The following ARHGEF12 variants were observed in gnomAD, a reference collection of about 807,000 sequenced individuals.
The protein encoded by ARHGEF12 is KMT2A/ARHGEF12 fusion protein.
Under a neutral mutation model 211.2 loss-of-function variants are expected in ARHGEF12, and 66 were observed. That is an observed-to-expected ratio of 0.31 (90% CI 0.26 to 0.38). ARHGEF12 has a LOEUF of 0.38. Ranked by LOEUF, ARHGEF12 falls within the 10% of genes least tolerant of loss-of-function variation. ARHGEF12 has a pLI of 1.00. For missense variants in ARHGEF12, 1,429 were observed against 1,869.5 expected (o/e 0.76, Z 4.34); for synonymous variants, 592 against 638.4 (o/e 0.93, Z 1.09).
chr11:120,455,574 A>C (rs542119414), intron 22 of ARHGEF12, among the ~76,000 whole-genome samples: 2 of 152,202 alleles, frequency 1.3e-5, no homozygotes, highest in Non-Finnish European at 2.9e-5. Context: ...CTTTGAAATC[A>C]TTTGAGGATA....
chr11:120,389,006 G>A (rs957037693), intron 1 of ARHGEF12, among the ~76,000 whole-genome samples: 10 of 152,032 alleles, frequency 6.6e-5, no homozygotes, highest in Admixed American at 5.2e-4. Context: ...GGGATTACAG[G>A]TGGCCACCAC....
At chr11:120,418,037 C>T (rs1185934937) in intron 4 of ARHGEF12, among the ~76,000 whole-genome samples, 1 of 152,060 alleles carries the variant, frequency 6.6e-6, no homozygotes, top group African/African-American at 2.4e-5. Flanking sequence ...AGGGGTAACA[C>T]ATTTTTAAAT....
chr11:120,347,266 C>CTCTGTGTGTGTG lies in ARHGEF12; in HGVS notation c.32+9992_32+9993insCTGTGTGTGTGT, dbSNP rs1426650315. 6.0e-5 allele frequency among the ~76,000 whole-genome samples: 8 copies of CTCTGTGTGTGTG among 133,596 alleles called. No individual in the cohort carries two copies. In the South Asian group the frequency reaches 1.2e-3, roughly 20 times the overall value. The allele number at this position is 133,596 out of a possible 152,430, so 87.6% of individuals were successfully genotyped here. A position where few individuals can be genotyped will look rare whatever the true frequency, so the allele number is the denominator to read the frequency against. On this transcript the variant is annotated intron_variant, in intron 1 of 40. Coordinates refer to ENST00000397843, the MANE Select transcript of ARHGEF12 (RefSeq NM_015313.3). ...TCTGTTTCTCTCTCTCTCTCTCTCT[C>CTCTGTGTGTGTG]TGTCTGTGTGTGTGTGTGTGTGTGT...
At chr11:120,347,153 TTC>T (rs1565416957) in intron 1 of ARHGEF12, among the ~76,000 whole-genome samples, 30 of 49,050 alleles carry the variant, frequency 6.1e-4, no homozygotes, top group Non-Finnish European at 7.8e-4. Flanking sequence ...CCTTCCTTCC[TTC>T]CTTCCTTCCT....
chr11:120,356,165 T>G (rs1943125394), intron 1 of ARHGEF12, among the ~76,000 whole-genome samples: 1 of 152,202 alleles, frequency 6.6e-6, no homozygotes, highest in Non-Finnish European at 1.5e-5. Context: ...TACTTTAAAA[T>G]TTTTGTGTTT....
intron 4 of ARHGEF12, among the ~76,000 whole-genome samples, chr11:120,415,795 T>C (rs1363809767): frequency 2.0e-5 from 3 of 152,218 alleles, no homozygotes; most frequent in Non-Finnish European, 4.4e-5. Flanking sequence ...AATAGTATTG[T>C]TAATTTGAAT....
At chr11:120,472,940 C>A in intron 30 of ARHGEF12, 110 bp from the exon 31 acceptor site, 1 of 928,294 alleles carries the variant, frequency 1.1e-6, no homozygotes, top group Non-Finnish European at 1.7e-6. Context: ...CAGGTGTGAG[C>A]CACCACGCCT....
At chr11:120,473,264 T>C (rs1000860259) in intron 31 of ARHGEF12, 137 bp downstream of exon 31, 2 of 740,512 alleles carry the variant, frequency 2.7e-6, no homozygotes, top group Admixed American at 5.6e-5. Context: ...TTATGATTTT[T>C]TTTGCTGCCT....
intron 36 of ARHGEF12, 75 bp from the exon 37 acceptor site, chr11:120,478,081 C>G: frequency 1.2e-6 from 1 of 824,362 alleles, no homozygotes; most frequent in Non-Finnish European, 1.8e-6. Context: ...TTTTCTGATT[C>G]TTCCCTGAAT....
intron 34 of ARHGEF12, 59 bp downstream of exon 34, chr11:120,476,807 T>C (rs1164804129): frequency 3.0e-6 from 4 of 1,350,248 alleles, no homozygotes; most frequent in Non-Finnish European, 4.1e-6. Context: ...CCAAGCGTAA[T>C]ATTCCATAAA....
chr11:120,398,832 G>T (rs888512751), intron 1 of ARHGEF12, among the ~76,000 whole-genome samples: 1 of 151,932 alleles, frequency 6.6e-6, no homozygotes, highest in South Asian at 2.1e-4. Context: ...GTTATGATCC[G>T]TTTTTTGTTT....
chr11:120,481,246 G>C lies in ARHGEF12; in HGVS notation c.4238-14G>C. 1 of 1,611,104 alleles carries C rather than the reference G, an allele frequency of 6.2e-7. No homozygotes were observed. Among genetic ancestry groups the C allele is most frequent in the Non-Finnish European group, 8.5e-7 (1 of 1,177,460 alleles). ...AGCACTGGTCTTATCAAACTATTCT[G>C]TCTCTATCCATAGGAAACTATTTGA... On this transcript the variant is annotated splice_polypyrimidine_tract_variant and intron_variant, in intron 38 of 40. Transcript: ENST00000397843.
chr11:120,436,407 C>T (rs1342905529), intron 11 of ARHGEF12, among the ~76,000 whole-genome samples: 1 of 151,880 alleles, frequency 6.6e-6, no homozygotes, highest in African/African-American at 2.4e-5. Flanking sequence ...ATGTATCTTC[C>T]CTATTGGCAC....
At chr11:120,405,532 T>G (rs1316742909) in intron 1 of ARHGEF12, among the ~76,000 whole-genome samples, 1 of 152,150 alleles carries the variant, frequency 6.6e-6, no homozygotes, top group Non-Finnish European at 1.5e-5. Context: ...TAATGTTAAT[T>G]TTTTTCTAGA....
intron 1 of ARHGEF12, among the ~76,000 whole-genome samples, chr11:120,395,530 C>T (rs550710383): frequency 6.0e-4 from 92 of 152,288 alleles, no homozygotes; most frequent in Non-Finnish European, 1.0e-3. Flanking sequence ...TCTCACACTG[C>T]TAATGAAGAC....
intron 4 of ARHGEF12, among the ~76,000 whole-genome samples, chr11:120,415,568 TC>T (rs1226076840): frequency 6.6e-6 from 1 of 152,228 alleles, no homozygotes; most frequent in African/African-American, 2.4e-5. Context: ...AATTTTTCCC[TC>T]TGTGGTAGGT....
At chr11:120,429,282 T>C (rs1000825440) in intron 8 of ARHGEF12, among the ~76,000 whole-genome samples, 158 bp from the exon 9 acceptor site, 1 of 152,218 alleles carries the variant, frequency 6.6e-6, no homozygotes, top group Non-Finnish European at 1.5e-5. Context: ...GTAAGTGTCA[T>C]GTCTGAAAGC....
In ARHGEF12 at chr11:120,458,071, T is replaced by G. The variant is rs762903978; in HGVS notation, c.2226-9T>G. ...TCTTCAAATTGAATTCACTCTTTTT[T>G]CTTCATAGGTTTGACAGTGTAGCTT... On this transcript the variant is annotated splice_polypyrimidine_tract_variant and intron_variant, in intron 24 of 40. Transcript: ENST00000397843. 1 of 1,597,720 alleles carries G rather than the reference T, an allele frequency of 6.3e-7. No individual in the cohort carries two copies. Among genetic ancestry groups the G allele is most frequent in the Non-Finnish European group, 8.5e-7 (1 of 1,176,488 alleles).
intron 1 of ARHGEF12, among the ~76,000 whole-genome samples, chr11:120,374,145 T>C (rs913470062): frequency 6.6e-6 from 1 of 152,236 alleles, no homozygotes; most frequent in African/African-American, 2.4e-5. Context: ...GCTAAATGTC[T>C]TTCCATCTAG....
Sources: allele counts gnomAD v4.1 joint callset (sites outside exome capture counted in the v4.1 genomes callset), GRCh38; gene constraint gnomAD v4.1.1; transcripts MANE v1.5; gene names NCBI Gene and HGNC (gene_info 2026-07-23, HGNC 2026-07-21).